The following ZBTB20 variants were observed in gnomAD, a reference collection of about 807,000 sequenced individuals.
The protein encoded by ZBTB20 is zinc finger and BTB domain-containing protein 20.
A neutral mutation model predicts 56.9 loss-of-function variants in ZBTB20; 9 were observed. The ratio of observed to expected loss-of-function variants is 0.16; its 90% CI spans 0.10 to 0.28. The LOEUF (loss-of-function observed/expected upper bound fraction) is 0.28. Ranked by LOEUF, ZBTB20 falls within the 10% of genes least tolerant of loss-of-function variation. The pLI is 1.00. For missense variants in ZBTB20, 655 were observed against 1,003.0 expected (o/e 0.65, Z 4.69); for synonymous variants, 417 against 420.7 (o/e 0.99, Z 0.11).
chr3:115,010,239 A>C (rs1427614296), intron 2 of ZBTB20, among the ~76,000 whole-genome samples: 2 of 151,882 alleles, frequency 1.3e-5, no homozygotes, highest in East Asian at 2.0e-4. Context: ...TGGCTTTTCC[A>C]CTTACTGATT....
intron 2 of ZBTB20, among the ~76,000 whole-genome samples, chr3:115,051,647 T>A (rs1175015380): frequency 6.6e-6 from 1 of 152,218 alleles, no homozygotes; most frequent in Admixed American, 6.5e-5. Flanking sequence ...GGCCATAGGA[T>A]CTTTGTGTTT....
chr3:114,496,294 A>G (rs1447943560), intron 7 of ZBTB20, among the ~76,000 whole-genome samples: 1 of 152,086 alleles, frequency 6.6e-6, no homozygotes, highest in Non-Finnish European at 1.5e-5. Flanking sequence ...GGCATGGTCT[A>G]TTTCAAACTC....
intron 5 of ZBTB20, among the ~76,000 whole-genome samples, chr3:114,756,719 C>T (rs1238219679): frequency 1.3e-5 from 2 of 152,112 alleles, no homozygotes; most frequent in Non-Finnish European, 2.9e-5. Context: ...ATATTTTCCT[C>T]TGAGAATGAT....
chr3:114,839,483 GAGAA>G (rs1418700248), intron 4 of ZBTB20, among the ~76,000 whole-genome samples: 1 of 147,612 alleles, frequency 6.8e-6, no homozygotes, highest in African/African-American at 2.5e-5. Flanking sequence ...GAGAAAGAAA[GAGAA>G]AGAAAGGGAG....
chr3:114,482,915 A>T (rs1299363797), intron 7 of ZBTB20, among the ~76,000 whole-genome samples: 3 of 152,134 alleles, frequency 2.0e-5, no homozygotes, highest in Non-Finnish European at 4.4e-5. Flanking sequence ...TCATTCTCCA[A>T]ACATTTATTG....
chr3:114,439,426 C>T (rs1378370980), intron 7 of ZBTB20, among the ~76,000 whole-genome samples: 1 of 152,140 alleles, frequency 6.6e-6, no homozygotes, highest in Non-Finnish European at 1.5e-5. Context: ...TATGCTTTCT[C>T]CCTTTCTTAT....
chr3:115,095,799 C>A (rs2083360424), intron 1 of ZBTB20, among the ~76,000 whole-genome samples: 1 of 152,074 alleles, frequency 6.6e-6, no homozygotes, highest in Admixed American at 6.5e-5. Flanking sequence ...TGTATAATAT[C>A]TATGTAATAG....
At chr3:115,112,032 A>G (rs2083895623) in intron 1 of ZBTB20, among the ~76,000 whole-genome samples, 1 of 152,180 alleles carries the variant, frequency 6.6e-6, no homozygotes, top group African/African-American at 2.4e-5. Flanking sequence ...CCTCAGTAAA[A>G]ACATTTAAAA....
At chr3:114,761,709 C>T (rs1225224003) in intron 5 of ZBTB20, among the ~76,000 whole-genome samples, 1 of 151,870 alleles carries the variant, frequency 6.6e-6, no homozygotes, top group Non-Finnish European at 1.5e-5. Context: ...TGGCAGAAAG[C>T]TGTAATCCCA....
intron 3 of ZBTB20, among the ~76,000 whole-genome samples, chr3:114,937,273 G>A (rs1038292680): frequency 1.3e-5 from 2 of 152,112 alleles, no homozygotes; most frequent in African/African-American, 4.8e-5. Context: ...ATCCTCTCCA[G>A]CATCTGTTGT....
At chr3:114,984,755 C>T (rs1203799876) in intron 2 of ZBTB20, among the ~76,000 whole-genome samples, 3 of 151,934 alleles carry the variant, frequency 2.0e-5, no homozygotes, top group Non-Finnish European at 2.9e-5. Context: ...CAATTGAGTA[C>T]CTAAGAAAAC....
chr3:114,741,498 G>A (rs1225093398), intron 5 of ZBTB20, among the ~76,000 whole-genome samples: 1 of 152,108 alleles, frequency 6.6e-6, no homozygotes, highest in Non-Finnish European at 1.5e-5. Context: ...TTAAACACTG[G>A]TGGAGATAAG....
chr3:114,482,169 C>T (rs562962858), intron 7 of ZBTB20, among the ~76,000 whole-genome samples: 1 of 152,256 alleles, frequency 6.6e-6, no homozygotes, highest in South Asian at 2.1e-4. Context: ...GCAAGGAAGA[C>T]ATGACAAAGG....
chr3:114,638,992 C>T (rs2059419049), intron 6 of ZBTB20, among the ~76,000 whole-genome samples: 1 of 152,028 alleles, frequency 6.6e-6, no homozygotes, highest in Non-Finnish European at 1.5e-5. Context: ...AGCAATAAGA[C>T]TTTTTCTCTG....
intron 5 of ZBTB20, among the ~76,000 whole-genome samples, chr3:114,718,838 C>T (rs1002413547): frequency 1.3e-5 from 2 of 151,876 alleles, no homozygotes; most frequent in Admixed American, 1.3e-4. Flanking sequence ...TAGACTATAA[C>T]AAATACTCCA....
intron 4 of ZBTB20, among the ~76,000 whole-genome samples, chr3:114,844,373 T>TATATATATATATATATATA (rs1467342908): frequency 9.1e-5 from 8 of 88,250 alleles, no homozygotes; most frequent in South Asian, 3.1e-4. Context: ...ATATATATAT[T>TATATATATATATATATATA]AGCTGAGAGT....
At chr3:115,052,645 C>T (rs990691367) in intron 2 of ZBTB20, among the ~76,000 whole-genome samples, 3 of 152,128 alleles carry the variant, frequency 2.0e-5, no homozygotes, top group African/African-American at 7.2e-5. Context: ...ATTCCTATCA[C>T]TGATTATCCT....
intron 7 of ZBTB20, among the ~76,000 whole-genome samples, chr3:114,424,636 G>T (rs2089485131): frequency 6.6e-6 from 1 of 152,192 alleles, no homozygotes; most frequent in African/African-American, 2.4e-5. Flanking sequence ...ATGCAGGGGA[G>T]CCCCGTTTAA....
At chr3:114,992,664 C>T (rs929483057) in intron 2 of ZBTB20, among the ~76,000 whole-genome samples, 1 of 151,768 alleles carries the variant, frequency 6.6e-6, no homozygotes, top group Admixed American at 6.6e-5. Flanking sequence ...GGAACAGAAG[C>T]TGAGACTCCC....
Sources: allele counts gnomAD v4.1 joint callset (sites outside exome capture counted in the v4.1 genomes callset), GRCh38; gene constraint gnomAD v4.1.1; transcripts MANE v1.5; gene names NCBI Gene and HGNC (gene_info 2026-07-23, HGNC 2026-07-21).